LIMCH1: variants seen among roughly 807,000 people sequenced by gnomAD.
LIMCH1 encodes LIM and calponin homology domains-containing protein 1.
LIMCH1 carries 113 observed loss-of-function variants against 176.5 expected under a neutral mutation model. The observed-to-expected ratio is 0.64, with a 90% confidence interval of 0.55 to 0.75. The LOEUF is 0.75. LIMCH1 is among the 30% of genes least tolerant of loss of function. LIMCH1 has a pLI of 0.00. For missense variants in LIMCH1, 1,674 were observed against 1,814.9 expected (o/e 0.92, Z 1.41); for synonymous variants, 619 against 645.9 (o/e 0.96, Z 0.63).
chr4:41,575,044 CCA>C lies in LIMCH1; in HGVS notation c.-240-23861_-240-23860del, dbSNP rs142796280. On this transcript the variant is annotated intron_variant, in intron 1 of 31. Coordinates refer to ENST00000503057, the MANE Select transcript of LIMCH1 (RefSeq NM_001330672.2). ...CTCCCAATTATGTGAAATCACACAC[CCA>C]CACACACACACACAATTTATTGAGG... Among the ~76,000 whole-genome samples, 27 of 150,936 alleles carry C rather than the reference CCA, an allele frequency of 1.8e-4. No individual in the cohort carries two copies. In the South Asian group the frequency reaches 4.6e-3, roughly 26 times the overall value.
upstream of LIMCH1, among the ~76,000 whole-genome samples, chr4:41,536,967 A>G (rs146791659): frequency 4.0e-3 from 608 of 152,344 alleles, 2 homozygotes; most frequent in African/African-American, 0.014. Flanking sequence ...GATGTAAGAC[A>G]TGAGTTATAC....
intron 1 of LIMCH1, among the ~76,000 whole-genome samples, chr4:41,482,013 G>T (rs1157123765): frequency 6.6e-6 from 1 of 152,110 alleles, no homozygotes; most frequent in East Asian, 1.9e-4. Flanking sequence ...ACCATGGCTG[G>T]CTAATTTTTG....
rs143472884 is a variant in LIMCH1, at chr4:41,539,320, G to A, written c.-241+970G>A. Among the ~76,000 whole-genome samples the A allele has an allele frequency of 4.3e-3, 656 of 152,302 alleles. 44 individuals are homozygous for A. In the South Asian group the frequency reaches 0.11, roughly 26 times the overall value. On this transcript the variant is annotated intron_variant, in intron 1 of 31. Coordinates refer to ENST00000503057, the MANE Select transcript of LIMCH1 (RefSeq NM_001330672.2). Reference sequence around the variant, plus strand: ...AGAGTGGCTGATTCAGCAGTCCCGGGAGAAGGGGTTTGTCCTGTGCTGCGC... The same window carrying A: ...AGAGTGGCTGATTCAGCAGTCCCGGAAGAAGGGGTTTGTCCTGTGCTGCGC...
At chr4:41,508,899 A>T (rs1306363464) in intron 2 of LIMCH1, among the ~76,000 whole-genome samples, 1 of 152,216 alleles carries the variant, frequency 6.6e-6, no homozygotes, top group African/African-American at 2.4e-5. Context: ...ACTGATCATG[A>T]TTCCACCTAA....
At chr4:41,419,676 C>T (rs1246556594) in intron 1 of LIMCH1, among the ~76,000 whole-genome samples, 1 of 72,912 alleles carries the variant, frequency 1.4e-5, no homozygotes, top group Non-Finnish European at 2.5e-5. Context: ...TTCCTTCCTT[C>T]CTTCCTCCTT....
chr4:41,646,197 A>G lies in LIMCH1; in HGVS notation c.2328A>G (p.Lys776=). The G allele has an allele frequency of 6.2e-7, 1 of 1,614,160 alleles. No homozygotes were observed. The highest frequency in any genetic ancestry group is 8.5e-7 in the Non-Finnish European group (1 of 1,180,010). Residue 776 remains lysine (K), a synonymous_variant, in exon 16 of 32, where the codon AAA becomes AAG. Coordinates refer to ENST00000503057, the MANE Select transcript of LIMCH1 (RefSeq NM_001330672.2). The part of the protein sequence containing the change: ...DLIKKEEERK[K]MEKLLAGEDG... ...TCAAGAAAGAGGAAGAAAGGAAAAA[A>G]ATGGAGAAGTTACTGGCTGGAGAAG...
intron 1 of LIMCH1, among the ~76,000 whole-genome samples, chr4:41,367,697 A>AAAAAAAAAAAAG (rs2053267553): frequency 6.7e-6 from 1 of 150,124 alleles, no homozygotes; most frequent in Non-Finnish European, 1.5e-5. Context: ...AAAAAAAAAA[A>AAAAAAAAAAAAG]AAAAAAAAAG....
At chr4:41,363,516 T>C (rs1248353080) in intron 1 of LIMCH1, among the ~76,000 whole-genome samples, 3 of 152,238 alleles carry the variant, frequency 2.0e-5, no homozygotes, top group Non-Finnish European at 4.4e-5. Flanking sequence ...CTTTGCTGCT[T>C]GTCTCGCCTC....
upstream of LIMCH1, among the ~76,000 whole-genome samples, chr4:41,537,205 A>G (rs1223466913): frequency 6.6e-6 from 1 of 152,226 alleles, no homozygotes; most frequent in South Asian, 2.1e-4. Context: ...GTCCATTGGC[A>G]TATTAATCCA....
intron 15 of LIMCH1, 124 bp from the exon 16 acceptor site, chr4:41,645,999 G>T (rs1222467208): frequency 4.2e-6 from 4 of 954,030 alleles, no homozygotes; most frequent in Non-Finnish European, 6.3e-6. Context: ...GAATGCACAC[G>T]ATGTTATAGT....
intron 4 of LIMCH1, chr4:41,612,325 T>C (rs1464874033): frequency 5.5e-6 from 3 of 540,754 alleles, no homozygotes; most frequent in African/African-American, 1.9e-5. Context: ...CCAAAACTGC[T>C]AACATGAAGA....
At chr4:41,613,372 T>G in intron 4 of LIMCH1, 94 bp from the exon 5 acceptor site, 1 of 1,030,988 alleles carries the variant, frequency 9.7e-7, no homozygotes, top group Admixed American at 2.4e-5. Flanking sequence ...TGATGTGATA[T>G]GCAGGGGTTT....
chr4:41,648,444 G>C (rs1357300702), intron 17 of LIMCH1, among the ~76,000 whole-genome samples: 1 of 152,160 alleles, frequency 6.6e-6, no homozygotes, highest in African/African-American at 2.4e-5. Flanking sequence ...GAGAATTTGA[G>C]CAGAGGCCCT....
Position 41,402,134 on chromosome 4 carries a change from AAAAC to A in LIMCH1, c.96+41205_96+41208del, listed in dbSNP as rs1181630082. Among the ~76,000 whole-genome samples, 58 of 152,282 alleles carry A rather than the reference AAAAC, an allele frequency of 3.8e-4. No homozygotes were observed. In the East Asian group the frequency reaches 5.0e-3, roughly 13 times the overall value. The stretch of plus-strand genomic sequence containing the variant: ...CCAGTTTTCACAAATTTACAAGAAA[AAAAC>A]AAACAACCCCATCAAAAAGTGGGCA... On this transcript the variant is annotated intron_variant, in intron 1 of 26. Transcript: ENST00000313860.
At chr4:41,648,268 T>C (rs992269591) in intron 17 of LIMCH1, among the ~76,000 whole-genome samples, 10 of 152,240 alleles carry the variant, frequency 6.6e-5, no homozygotes, top group Non-Finnish European at 1.3e-4. Flanking sequence ...CCACTTTCCC[T>C]CCTTTATCTA....
At chr4:41,596,441 G>A (rs760259083) in intron 1 of LIMCH1, among the ~76,000 whole-genome samples, 14 of 152,204 alleles carry the variant, frequency 9.2e-5, no homozygotes, top group South Asian at 2.1e-4. Flanking sequence ...TGATATGTCC[G>A]TGTGATAACA....
Position 41,629,341 on chromosome 4 carries a change from G to A in LIMCH1, c.1029-151G>A, listed in dbSNP as rs184342774. ...ATAGATGAAAGTCATCACAGCTCCC[G>A]TTGATTCCATTTTTGAGAAAGAGAA... On this transcript the variant is annotated intron_variant, in intron 8 of 31. Coordinates refer to ENST00000503057, the MANE Select transcript of LIMCH1 (RefSeq NM_001330672.2). 295 of 937,160 alleles carry A rather than the reference G, an allele frequency of 3.1e-4. 2 individuals are homozygous for A. The highest frequency in any genetic ancestry group is 2.2e-3 in the African/African-American group (132 of 60,090). The allele number at this position is 937,160 out of a possible 1,614,324, so 58.1% of individuals were successfully genotyped here.
chr4:41,468,935 C>G (rs778789937), intron 1 of LIMCH1, among the ~76,000 whole-genome samples: 1 of 152,174 alleles, frequency 6.6e-6, no homozygotes, highest in African/African-American at 2.4e-5. Context: ...CTGGGAAACA[C>G]AGGCAAAGTG....
chr4:41,527,251 C>G (rs2076752913), intron 3 of LIMCH1, among the ~76,000 whole-genome samples: 1 of 152,122 alleles, frequency 6.6e-6, no homozygotes, highest in African/African-American at 2.4e-5. Context: ...TAGCTCTGTT[C>G]TGAAATATAT....
Sources: gnomAD v4.1 joint callset for allele counts (sites outside exome capture counted in the v4.1 genomes callset) on GRCh38, gnomAD v4.1.1 for gene constraint, MANE v1.5 for transcripts, NCBI Gene and HGNC (gene_info 2026-07-23, HGNC 2026-07-21) for gene names.